The following TRPM3 variants were observed in gnomAD, a reference collection of about 807,000 sequenced individuals.
TRPM3 encodes long transient receptor potential channel 3.
Under a neutral mutation model 181.2 loss-of-function variants are expected in TRPM3, and 77 were observed. The observed-to-expected ratio is 0.42, with a 90% CI of 0.35 to 0.51. TRPM3 has a LOEUF of 0.51. Ranked by LOEUF, TRPM3 falls within the 20% of genes least tolerant of loss-of-function variation. The probability of loss-of-function intolerance (pLI) is 0.01; values close to 1 mark genes in which losing one functional copy is unlikely to be tolerated. For synonymous variants in TRPM3, 745 were observed against 796.4 expected (o/e 0.94, Z 1.09); for missense variants, 1,759 against 2,196.7 (o/e 0.80, Z 3.98).
chr9:71,333,712 G>A (rs1184884087), intron 1 of TRPM3, among the ~76,000 whole-genome samples: 1 of 151,854 alleles, frequency 6.6e-6, no homozygotes, highest in Non-Finnish European at 1.5e-5. Flanking sequence ...GGGAGACTTA[G>A]AGCCAGAGGT....
intron 3 of TRPM3, among the ~76,000 whole-genome samples, chr9:70,853,876 A>G (rs576911801): frequency 6.6e-6 from 1 of 152,374 alleles, no homozygotes; most frequent in South Asian, 2.1e-4. Context: ...ATTTAGCAAC[A>G]CAGGTACATG....
At chr9:71,031,960 T>A (rs796858826) in intron 1 of TRPM3, among the ~76,000 whole-genome samples, 23 of 320 alleles carry the variant, frequency 0.072, no homozygotes, top group Admixed American at 0.42. Flanking sequence ...TATATATAAT[T>A]ATATATATAT....
chr9:70,972,601 C>T (rs2097258563), intron 1 of TRPM3, among the ~76,000 whole-genome samples: 1 of 152,086 alleles, frequency 6.6e-6, no homozygotes, highest in Non-Finnish European at 1.5e-5. Context: ...ATTATACACC[C>T]TAGAAACTTT....
Position 70,620,332 on chromosome 9 carries a change from T to G in TRPM3, c.1873A>C (p.Thr625Pro). Residue 625 changes from threonine to proline, a missense_variant, in exon 16 of 26, where the codon ACC becomes CCC. This residue lies in a region of TRPM3 where 737 missense variants were observed against 957.4 expected (regional missense o/e 0.77). Transcript: ENST00000677713. ...DIPLRRGRKT[T>P]KKREEEVDID... is the part of the protein sequence containing the mutation. Reference sequence around the variant, plus strand: ...TCCACCTCTTCTTCACGTTTCTTGGTTGTCTTTCTTCCTCGCCTCAAGGGA... The same window carrying G: ...TCCACCTCTTCTTCACGTTTCTTGGGTGTCTTTCTTCCTCGCCTCAAGGGA... 6.2e-7 allele frequency: 1 copy of G among 1,613,678 alleles called. No homozygotes were observed. Among genetic ancestry groups the G allele is most frequent in the Non-Finnish European group, 8.5e-7 (1 of 1,179,586 alleles).
At chr9:70,788,986 C>T (rs147985690) in intron 6 of TRPM3, among the ~76,000 whole-genome samples, 3 of 152,222 alleles carry the variant, frequency 2.0e-5, no homozygotes, top group East Asian at 1.9e-4. Context: ...GGACATGGAC[C>T]GGTACCAGTC....
intron 1 of TRPM3, among the ~76,000 whole-genome samples, chr9:71,279,044 T>G (rs7040800): frequency 1.2e-5 from 1 of 80,212 alleles, no homozygotes. Context: ...TTAAAAAAAA[T>G]AAAAATAAAA....
chr9:71,438,001 A>C (rs751331320), intron 1 of TRPM3, among the ~76,000 whole-genome samples: 9 of 152,208 alleles, frequency 5.9e-5, no homozygotes, highest in Non-Finnish European at 1.2e-4. Context: ...GCCAGAACAC[A>C]TATGAAGTAT....
At chr9:70,689,773 A>G (rs571620130) in intron 8 of TRPM3, among the ~76,000 whole-genome samples, 36 of 152,136 alleles carry the variant, frequency 2.4e-4, no homozygotes, top group Non-Finnish European at 4.9e-4. Context: ...ATATTATAGA[A>G]AAACCAAGCA....
At chr9:71,285,833 C>T (rs933761914) in intron 1 of TRPM3, among the ~76,000 whole-genome samples, 2 of 152,120 alleles carry the variant, frequency 1.3e-5, no homozygotes, top group Middle Eastern at 3.2e-3. Flanking sequence ...ACCTAGACTC[C>T]CCTTGACCAA....
chr9:71,184,360 C>A (rs1201984910), intron 1 of TRPM3, among the ~76,000 whole-genome samples: 1 of 152,074 alleles, frequency 6.6e-6, no homozygotes, highest in African/African-American at 2.4e-5. Flanking sequence ...GGCTTTCTCT[C>A]TATAGGAAAG....
At chr9:70,739,065 G>A (rs893946720) in intron 8 of TRPM3, among the ~76,000 whole-genome samples, 9 of 152,042 alleles carry the variant, frequency 5.9e-5, no homozygotes, top group Admixed American at 1.3e-4. Flanking sequence ...AAAGAAGAAT[G>A]GGTACCAATC....
At position 71,235,113 on chromosome 9, in the gene TRPM3, C is replaced by T. The variant is rs112255450; in HGVS notation, c.183+211540G>A. Among the ~76,000 whole-genome samples, 1,066 of 152,318 alleles carry T rather than the reference C, an allele frequency of 7.0e-3. 10 individuals carry two copies. Among genetic ancestry groups the T allele is most frequent in the Admixed American group, 0.014 (219 of 15,300 alleles). On this transcript the variant is annotated intron_variant, in intron 1 of 24. Coordinates refer to the TRPM3 transcript ENST00000357533. ...GCTCCATTCTAGCCTCTTTGCTGCACCTCTAATGTGCCAGGCTTGGCGCCC... is the reference window on the plus strand; with the variant it reads ...GCTCCATTCTAGCCTCTTTGCTGCATCTCTAATGTGCCAGGCTTGGCGCCC...
chr9:71,134,010 T>TGCGC (rs1292858933), intron 1 of TRPM3, among the ~76,000 whole-genome samples: 6 of 87,894 alleles, frequency 6.8e-5, no homozygotes, highest in Admixed American at 1.4e-4. Flanking sequence ...TGTGTGTGTG[T>TGCGC]GTGTGCGCGT....
At chr9:70,642,840 G>A (rs1268128384) in intron 9 of TRPM3, among the ~76,000 whole-genome samples, 1 of 152,314 alleles carries the variant, frequency 6.6e-6, no homozygotes, top group African/African-American at 2.4e-5. Context: ...CCCAGCTGCA[G>A]ACCTTGTGAT....
chr9:71,333,186 G>A (rs948509444), intron 1 of TRPM3, among the ~76,000 whole-genome samples: 18 of 151,992 alleles, frequency 1.2e-4, no homozygotes, highest in Non-Finnish European at 1.8e-4. Flanking sequence ...ACATGAATCC[G>A]TTAAGGGGAC....
chr9:70,534,426 A>C lies in TRPM3; in HGVS notation c.*1527T>G, dbSNP rs2041322673. The C allele has an allele frequency of 6.6e-6, 1 of 152,248 alleles. No individual in the cohort carries two copies. Among genetic ancestry groups the C allele is most frequent in the South Asian group, 2.1e-4 (1 of 4,834 alleles). 9.4% of individuals were successfully genotyped at this position (152,248 alleles called of 1,614,324 possible). A position where few individuals can be genotyped will look rare whatever the true frequency, so the allele number is the denominator to read the frequency against. On this transcript the variant is annotated 3_prime_UTR_variant, in exon 26 of 26. Coordinates refer to ENST00000677713, the MANE Select transcript of TRPM3 (RefSeq NM_001366145.2). ...AATGGAACTTCTTGTATATTAAAAA[A>C]AATCTTGATTATACTTCAAGGTGAT...
intron 1 of TRPM3, among the ~76,000 whole-genome samples, chr9:71,421,800 T>C (rs1042496228): frequency 6.6e-6 from 1 of 152,036 alleles, no homozygotes; most frequent in Non-Finnish European, 1.5e-5. Context: ...TTTGTGCTTC[T>C]AAACATAGCA....
intron 1 of TRPM3, among the ~76,000 whole-genome samples, chr9:71,434,237 A>G (rs1184081509): frequency 6.6e-6 from 1 of 152,112 alleles, no homozygotes; most frequent in Admixed American, 6.5e-5. Context: ...ATATGTTTAA[A>G]CTTAGTTCCC....
intron 4 of TRPM3, among the ~76,000 whole-genome samples, chr9:70,845,148 A>C (rs1227821226): frequency 2.6e-5 from 4 of 152,210 alleles, no homozygotes; most frequent in Non-Finnish European, 5.9e-5. Context: ...GAATGTTCAC[A>C]AATTCTAGGT....
Sources: gnomAD v4.1 joint callset for allele counts (sites outside exome capture counted in the v4.1 genomes callset) on GRCh38, gnomAD v4.1.1 for gene constraint, gnomAD v4.1.1 regional missense constraint, MANE v1.5 for transcripts, NCBI Gene and HGNC (gene_info 2026-07-23, HGNC 2026-07-21) for gene names.